Variants in VWA3B observed in about 807,000 individuals in gnomAD.
VWA3B encodes the protein von Willebrand factor A domain-containing protein 3B.
A neutral mutation model predicts 158.3 loss-of-function variants in VWA3B; 138 were observed. The observed-to-expected ratio is 0.87, with a 90% CI of 0.76 to 1.00. VWA3B has a LOEUF of 1.00. Ranked by LOEUF, VWA3B falls within the 50% of genes least tolerant of loss-of-function variation. The pLI is 0.00. For missense variants in VWA3B, 1,555 were observed against 1,565.1 expected (o/e 0.99, Z 0.11); for synonymous variants, 596 against 587.3 (o/e 1.01, Z -0.21).
intron 12 of VWA3B, among the ~76,000 whole-genome samples, chr2:98,201,120 C>T (rs145011918): frequency 4.6e-5 from 7 of 152,066 alleles, no homozygotes; most frequent in Non-Finnish European, 1.0e-4. Context: ...TTCCTTTGAC[C>T]TGCCTTGTAC....
At chr2:98,148,732 C>G (rs1160210719) in intron 7 of VWA3B, among the ~76,000 whole-genome samples, 1 of 152,222 alleles carries the variant, frequency 6.6e-6, no homozygotes, top group Non-Finnish European at 1.5e-5. Context: ...CTCATGCACC[C>G]TTTCTCCACT....
In VWA3B at chr2:98,287,195, GCT is replaced by G. The variant is rs1301235460; in HGVS notation, c.3046-3309_3046-3308del. On this transcript the variant is annotated intron_variant, in intron 22 of 27. Coordinates refer to ENST00000477737, the MANE Select transcript of VWA3B (RefSeq NM_144992.5). Reference sequence around the variant, plus strand: ...GCTAGAACTCTAGGATTCTCCTAGAGCTCTCTCTGTCTGGACCCTTGTGCCTA... The same window carrying G: ...GCTAGAACTCTAGGATTCTCCTAGAGCTCTCTGTCTGGACCCTTGTGCCTA... 1.2e-4 allele frequency among the ~76,000 whole-genome samples: 18 copies of G among 152,194 alleles called. 1 individual carries two copies. The highest frequency in any genetic ancestry group is 4.3e-4 in the African/African-American group (18 of 41,530).
rs75987406 is a variant in VWA3B, at chr2:98,256,633, C to G, written c.2843+459C>G. Among the ~76,000 whole-genome samples the G allele has an allele frequency of 1.6e-4, 24 of 152,268 alleles. No homozygotes were observed. The East Asian group carries it at 4.6e-3, about 29-fold the overall frequency. ...GCTTCCGCTTTTTCGCTATCATGAA[C>G]TATGTTGCTATATGCATTTGTGTAG... On this transcript the variant is annotated intron_variant, in intron 21 of 27. Transcript: ENST00000477737.
At chr2:98,091,727 T>C (rs1306203774) in intron 1 of VWA3B, among the ~76,000 whole-genome samples, 1 of 152,234 alleles carries the variant, frequency 6.6e-6, no homozygotes, top group Non-Finnish European at 1.5e-5. Context: ...TGAATTTCCA[T>C]GTCATGACAG....
intron 14 of VWA3B, among the ~76,000 whole-genome samples, chr2:98,220,368 T>A (rs948452550): frequency 3.9e-5 from 6 of 152,104 alleles, no homozygotes; most frequent in African/African-American, 1.4e-4. Context: ...AAAAAATTCT[T>A]ATTGCACAAT....
intron 3 of VWA3B, 86 bp from the exon 4 acceptor site, chr2:98,119,427 A>G (rs1674782853): frequency 7.0e-7 from 1 of 1,437,970 alleles, no homozygotes; most frequent in South Asian, 1.3e-5. Context: ...CACTGTTATG[A>G]GTGCACAGTT....
At position 98,313,249 on chromosome 2, in the gene VWA3B, A is replaced by G. The variant is rs995808438; in HGVS notation, c.*900A>G. On this transcript the variant is annotated 3_prime_UTR_variant, in exon 28 of 28. Coordinates refer to ENST00000477737, the MANE Select transcript of VWA3B (RefSeq NM_144992.5). The stretch of plus-strand genomic sequence containing the variant: ...GCTAGGAGTAGCCAGGGTTATGGTG[A>G]AGAAATTAAAGAACTAATCCACTTC... The G allele has an allele frequency of 6.6e-6, 1 of 152,148 alleles. No individual in the cohort carries two copies. The highest frequency in any genetic ancestry group is 1.5e-5 in the Non-Finnish European group (1 of 68,042). The allele number at this position is 152,148 out of a possible 1,614,324, so 9.4% of individuals were successfully genotyped here.
chr2:98,179,598 C>T (rs938564786), intron 8 of VWA3B, among the ~76,000 whole-genome samples: 1 of 152,208 alleles, frequency 6.6e-6, no homozygotes, highest in South Asian at 2.1e-4. Context: ...CTTCTCTTTC[C>T]ACCACATTAC....
At chr2:98,251,292 G>A (rs78067554) in intron 20 of VWA3B, among the ~76,000 whole-genome samples, 3 of 152,224 alleles carry the variant, frequency 2.0e-5, no homozygotes, top group Non-Finnish European at 4.4e-5. Flanking sequence ...TTAGCAGAAT[G>A]CATCTGATTG....
chr2:98,161,867 C>T (rs1345821218), intron 7 of VWA3B, among the ~76,000 whole-genome samples: 6 of 152,056 alleles, frequency 3.9e-5, no homozygotes, highest in Non-Finnish European at 1.5e-5. Flanking sequence ...CCACCACGCT[C>T]AGCTAATTTT....
intron 12 of VWA3B, among the ~76,000 whole-genome samples, chr2:98,209,456 A>G (rs1683314080): frequency 6.6e-6 from 1 of 151,778 alleles, no homozygotes; most frequent in African/African-American, 2.4e-5. Context: ...AATTTTTTGT[A>G]TTTTTAGTAG....
rs1406579546 is a variant in VWA3B, at chr2:98,222,962, G to GC, written c.2019+4938dup. Among the ~76,000 whole-genome samples the GC allele has an allele frequency of 5.9e-5, 9 of 152,216 alleles. 1 individual carries two copies. Among genetic ancestry groups the GC allele is most frequent in the Admixed American group, 3.3e-4 (5 of 15,296 alleles). On this transcript the variant is annotated intron_variant, in intron 14 of 27. Transcript: ENST00000477737. ...GCCCATCACACAAAGAGCCAAGAAA[G>GC]CCCCAATTTGAATGAGAAATGACAA...
At chr2:98,202,714 G>A (rs745390507) in intron 12 of VWA3B, among the ~76,000 whole-genome samples, 1 of 151,984 alleles carries the variant, frequency 6.6e-6, no homozygotes, top group Non-Finnish European at 1.5e-5. Flanking sequence ...TCCTGAAGAT[G>A]TTTTCCCCGT....
At chr2:98,116,816 T>C (rs1212963824) in intron 3 of VWA3B, among the ~76,000 whole-genome samples, 3 of 152,254 alleles carry the variant, frequency 2.0e-5, no homozygotes, top group Non-Finnish European at 4.4e-5. Flanking sequence ...TAAGGCATCA[T>C]GCCTGCCCCT....
intron 10 of VWA3B, among the ~76,000 whole-genome samples, chr2:98,188,510 T>C (rs1384941137): frequency 6.6e-6 from 1 of 152,198 alleles, no homozygotes; most frequent in Non-Finnish European, 1.5e-5. Context: ...TCCCTACCTT[T>C]CTCAGTCTCT....
At chr2:98,181,333 C>T in intron 9 of VWA3B, 121 bp downstream of exon 9, 1 of 1,068,564 alleles carries the variant, frequency 9.4e-7, no homozygotes, top group Non-Finnish European at 1.4e-6. Flanking sequence ...GCTTGGGTTT[C>T]TGTGAAGAAC....
chr2:98,252,546 T>C (rs572063419), intron 20 of VWA3B, among the ~76,000 whole-genome samples: 30 of 152,212 alleles, frequency 2.0e-4, no homozygotes, highest in Admixed American at 3.9e-4. Flanking sequence ...TGTGTGACAG[T>C]CGTGAGCCTC....
intron 9 of VWA3B, among the ~76,000 whole-genome samples, chr2:98,183,288 T>C (rs999377763): frequency 1.3e-5 from 2 of 151,126 alleles, no homozygotes; most frequent in Admixed American, 1.3e-4. Context: ...ACACCTAAAA[T>C]TGTGATGTGT....
At chr2:98,275,154 G>A (rs1688444955) in intron 22 of VWA3B, among the ~76,000 whole-genome samples, 1 of 152,218 alleles carries the variant, frequency 6.6e-6, no homozygotes, top group African/African-American at 2.4e-5. Context: ...TGCTGTAGGT[G>A]CTCCCAGAGC....
Sources: gnomAD v4.1 joint callset for allele counts (sites outside exome capture counted in the v4.1 genomes callset) on GRCh38, gnomAD v4.1.1 for gene constraint, MANE v1.5 for transcripts, NCBI Gene and HGNC (gene_info 2026-07-23, HGNC 2026-07-21) for gene names.